Variants in SSBP2 observed in about 807,000 individuals in gnomAD.
SSBP2 encodes the protein single stranded DNA binding protein 2, also known as single-stranded DNA-binding protein 2.
In SSBP2, 17 loss-of-function variants were observed where a neutral mutation model predicts 61.8. The observed-to-expected ratio is 0.28, with a 90% CI of 0.19 to 0.41. The LOEUF (loss-of-function observed/expected upper bound fraction) is 0.41. Among genes scored for constraint, SSBP2 ranks in the 10% least tolerant of loss-of-function variants. The pLI is 1.00. For synonymous variants in SSBP2, 139 were observed against 141.3 expected (o/e 0.98, Z 0.12); for missense variants, 310 against 458.7 (o/e 0.68, Z 2.96).
At chr5:81,641,369 A>G (rs1206322426) in intron 2 of SSBP2, among the ~76,000 whole-genome samples, 1 of 152,230 alleles carries the variant, frequency 6.6e-6, no homozygotes, top group Admixed American at 6.5e-5. Flanking sequence ...AGCATCACAT[A>G]TATCATCATT....
At chr5:81,669,115 A>G (rs185094118) in intron 1 of SSBP2, among the ~76,000 whole-genome samples, 1 of 152,336 alleles carries the variant, frequency 6.6e-6, no homozygotes, top group African/African-American at 2.4e-5. Flanking sequence ...TTTTGCATAT[A>G]TGTAAAAAGT....
At chr5:81,647,649 G>A (rs1403114196) in intron 2 of SSBP2, among the ~76,000 whole-genome samples, 2 of 151,974 alleles carry the variant, frequency 1.3e-5, no homozygotes, top group African/African-American at 2.4e-5. Context: ...ATAATAGTTC[G>A]TTTTCAGTTT....
At chr5:81,553,549 A>G (rs1772368984) in intron 4 of SSBP2, among the ~76,000 whole-genome samples, 1 of 152,208 alleles carries the variant, frequency 6.6e-6, no homozygotes, top group Admixed American at 6.5e-5. Flanking sequence ...GTAATCATAT[A>G]AAAACTCAGA....
chr5:81,715,915 G>A (rs1755136776), intron 1 of SSBP2, among the ~76,000 whole-genome samples: 1 of 152,016 alleles, frequency 6.6e-6, no homozygotes, highest in Admixed American at 6.6e-5. Flanking sequence ...AAAATCAGCT[G>A]AGCATGGTAG....
chr5:81,699,854 C>CTT (rs3081889), intron 1 of SSBP2, among the ~76,000 whole-genome samples: 12 of 124,852 alleles, frequency 9.6e-5, no homozygotes, highest in Non-Finnish European at 1.7e-4. Context: ...AAATCAATTT[C>CTT]TTTTTTTTTT....
intron 4 of SSBP2, among the ~76,000 whole-genome samples, chr5:81,567,692 C>G (rs948632849): frequency 4.6e-5 from 7 of 152,046 alleles, no homozygotes; most frequent in Admixed American, 2.6e-4. Context: ...ATACTCAACC[C>G]CAGGTGGGAG....
chr5:81,421,468 C>T lies in SSBP2; in HGVS notation c.1057-935G>A, dbSNP rs530237384. On this transcript the variant is annotated intron_variant, in intron 16 of 16. Coordinates refer to ENST00000320672, the MANE Select transcript of SSBP2 (RefSeq NM_012446.5). ...TTGGCCTCCCGAAGTGCTGAGATTA[C>T]AGGCGTGAGACCCTGTGCTCGGCCT... 3.3e-5 allele frequency among the ~76,000 whole-genome samples: 5 copies of T among 152,316 alleles called. No individual in the cohort carries two copies. The East Asian group carries it at 9.6e-4, about 29-fold the overall frequency.
chr5:81,538,546 G>C (rs1319142521), intron 4 of SSBP2, among the ~76,000 whole-genome samples: 2 of 152,100 alleles, frequency 1.3e-5, no homozygotes, highest in South Asian at 2.1e-4. Context: ...TCTATTGAAA[G>C]ATGCCATGTA....
At chr5:81,733,692 T>TA (rs1756413688) in intron 1 of SSBP2, among the ~76,000 whole-genome samples, 1 of 152,198 alleles carries the variant, frequency 6.6e-6, no homozygotes, top group Non-Finnish European at 1.5e-5. Flanking sequence ...TTCCTTTCTA[T>TA]ATAACTCACC....
chr5:81,694,212 A>G (rs1753431169), intron 1 of SSBP2, among the ~76,000 whole-genome samples: 1 of 152,250 alleles, frequency 6.6e-6, no homozygotes, highest in African/African-American at 2.4e-5. Context: ...AAGGATGGTT[A>G]GTGGGTACAA....
chr5:81,417,855 G>T lies in SSBP2; in HGVS notation c.*2649C>A, dbSNP rs1386889464. The T allele has an allele frequency of 5.4e-5, 8 of 149,144 alleles. No individual in the cohort carries two copies. The highest frequency in any genetic ancestry group is 1.2e-4 in the Non-Finnish European group (8 of 67,182). 9.2% of individuals were successfully genotyped at this position (149,144 alleles called of 1,614,324 possible). ...TAATCTGGGCTCCAAGAAGAAAAAAGAAATAAATACTTATAATCAATTGAC... is the reference window on the plus strand; with the variant it reads ...TAATCTGGGCTCCAAGAAGAAAAAATAAATAAATACTTATAATCAATTGAC... On this transcript the variant is annotated 3_prime_UTR_variant, in exon 17 of 17. Coordinates refer to ENST00000320672, the MANE Select transcript of SSBP2 (RefSeq NM_012446.5).
intron 4 of SSBP2, among the ~76,000 whole-genome samples, chr5:81,527,544 G>A (rs1030409497): frequency 6.6e-6 from 1 of 152,002 alleles, no homozygotes; most frequent in South Asian, 2.1e-4. Context: ...AGAAGCATAA[G>A]TTAATCTAGA....
intron 11 of SSBP2, among the ~76,000 whole-genome samples, chr5:81,448,524 T>G (rs1325922693): frequency 6.6e-6 from 1 of 152,176 alleles, no homozygotes; most frequent in Non-Finnish European, 1.5e-5. Flanking sequence ...GATTACTCTC[T>G]TCATGATTGG....
chr5:81,637,597 C>A (rs540846055), intron 2 of SSBP2, among the ~76,000 whole-genome samples: 2 of 152,054 alleles, frequency 1.3e-5, no homozygotes, highest in Admixed American at 6.6e-5. Flanking sequence ...TGTGAAGTTG[C>A]GAAAGTTACT....
rs1026461126 is a variant in SSBP2, at chr5:81,618,279, C to CA, written c.198-2723dup. The stretch of plus-strand genomic sequence containing the variant: ...GAAGATCTACCAAGCCAATGGAAAA[C>CA]AAAAAAAGGCAGGGGTTGCAATCCT... On this transcript the variant is annotated intron_variant, in intron 3 of 16. Transcript: ENST00000320672. Among the ~76,000 whole-genome samples, 40 of 97,020 alleles carry CA rather than the reference C, an allele frequency of 4.1e-4. 8 individuals carry two copies. Among genetic ancestry groups the CA allele is most frequent in the African/African-American group, 1.0e-3 (31 of 29,950 alleles). The allele number at this position is 97,020 out of a possible 152,430, so 63.6% of individuals were successfully genotyped here.
intron 7 of SSBP2, among the ~76,000 whole-genome samples, chr5:81,474,230 G>T (rs1765441476): frequency 6.6e-6 from 1 of 152,164 alleles, no homozygotes; most frequent in African/African-American, 2.4e-5. Context: ...CTACTTGTTA[G>T]ATGTTATATA....
intron 5 of SSBP2, among the ~76,000 whole-genome samples, chr5:81,509,109 C>T (rs1026913339): frequency 6.6e-6 from 1 of 152,158 alleles, no homozygotes; most frequent in African/African-American, 2.4e-5. Flanking sequence ...TTGACTAAGT[C>T]TCTTTTGAAC....
intron 5 of SSBP2, among the ~76,000 whole-genome samples, chr5:81,509,788 G>C (rs1411707502): frequency 5.3e-5 from 8 of 152,122 alleles, no homozygotes; most frequent in Admixed American, 3.3e-4. Flanking sequence ...TCATTACTCA[G>C]ATAAAGACAC....
At chr5:81,592,057 C>T (rs1173599169) in intron 4 of SSBP2, among the ~76,000 whole-genome samples, 2 of 152,220 alleles carry the variant, frequency 1.3e-5, no homozygotes, top group African/African-American at 4.8e-5. Flanking sequence ...CTGGGAAGCG[C>T]AAGGGGTCAG....
Sources: gnomAD v4.1 joint callset for allele counts (sites outside exome capture counted in the v4.1 genomes callset) on GRCh38, gnomAD v4.1.1 for gene constraint, MANE v1.5 for transcripts, NCBI Gene and HGNC (gene_info 2026-07-23, HGNC 2026-07-21) for gene names.